Variants in TMPRSS7 observed in about 807,000 individuals in gnomAD.
The protein encoded by TMPRSS7 is transmembrane protease serine 7.
A neutral mutation model predicts 95.6 loss-of-function variants in TMPRSS7; 81 were observed. The ratio of observed to expected loss-of-function variants is 0.85; its 90% confidence interval spans 0.71 to 1.02. The LOEUF (loss-of-function observed/expected upper bound fraction) is 1.02. Ranked by LOEUF, TMPRSS7 falls within the 50% of genes least tolerant of loss-of-function variation. The pLI, the probability that TMPRSS7 is intolerant of heterozygous loss-of-function variation, is 0.00. For missense variants in TMPRSS7, 945 were observed against 955.2 expected (o/e 0.99, Z 0.14); for synonymous variants, 364 against 337.8 (o/e 1.08, Z -0.85).
chr3:112,045,693 A>T, intron 4 of TMPRSS7, 57 bp from the exon 5 acceptor site: 1 of 1,455,462 alleles, frequency 6.9e-7, no homozygotes, highest in South Asian at 1.4e-5. Context: ...TCATCTGGGT[A>T]TTTCTTCTCT....
At chr3:112,045,126 G>A (rs1406724388) in intron 4 of TMPRSS7, among the ~76,000 whole-genome samples, 1 of 152,100 alleles carries the variant, frequency 6.6e-6, no homozygotes, top group Non-Finnish European at 1.5e-5. Context: ...ACATGGCAGA[G>A]TATCAAACAT....
At chr3:112,046,027 A>T in intron 5 of TMPRSS7, 84 bp downstream of exon 5, 28 of 1,181,194 alleles carry the variant, frequency 2.4e-5, no homozygotes, top group Middle Eastern at 2.8e-4. Flanking sequence ...ATTGTAATGA[A>T]GCATTACAAT....
chr3:112,053,361 G>A (rs2073387918), intron 9 of TMPRSS7, among the ~76,000 whole-genome samples: 1 of 152,100 alleles, frequency 6.6e-6, no homozygotes, highest in Non-Finnish European at 1.5e-5. Context: ...GAGCTTTAAG[G>A]TCTTATTTAT....
At chr3:112,037,409 T>A (rs550278016) in intron 1 of TMPRSS7, among the ~76,000 whole-genome samples, 1 of 152,320 alleles carries the variant, frequency 6.6e-6, no homozygotes, top group Admixed American at 6.5e-5. Flanking sequence ...AAATTCCAGG[T>A]TGGCGAATTC....
intron 4 of TMPRSS7, among the ~76,000 whole-genome samples, chr3:112,044,695 G>A (rs1285817665): frequency 6.6e-6 from 1 of 151,970 alleles, no homozygotes; most frequent in East Asian, 1.9e-4. Context: ...AGAAAAAAGG[G>A]GATTCATGGT....
Position 112,051,672 on chromosome 3 carries a change from T to TATCTATC in TMPRSS7, c.1203+890_1203+896dup, listed in dbSNP as rs1559955963. 8.1e-3 allele frequency among the ~76,000 whole-genome samples: 621 copies of TATCTATC among 76,814 alleles called. 1 individual carries two copies. Among genetic ancestry groups the TATCTATC allele is most frequent in the Middle Eastern group, 0.037 (6 of 160 alleles). The allele number at this position is 76,814 out of a possible 152,430, so 50.4% of individuals were successfully genotyped here. On this transcript the variant is annotated intron_variant, in intron 9 of 17. Coordinates refer to ENST00000452346, the Ensembl canonical transcript of TMPRSS7. Reference sequence around the variant, plus strand: ...TCTATCTATCTATCTATCTATCATCTATCTATCTATCTATCTATCTATCTC... The same window carrying TATCTATC: ...TCTATCTATCTATCTATCTATCATCTATCTATCATCTATCTATCTATCTATCTATCTC...
chr3:112,048,718 T>C (rs2073310460), intron 7 of TMPRSS7, among the ~76,000 whole-genome samples: 1 of 152,230 alleles, frequency 6.6e-6, no homozygotes, highest in African/African-American at 2.4e-5. Flanking sequence ...TGAATGTGCA[T>C]GTTAAAAATT....
chr3:112,073,805 C>A (rs2073680690), intron 13 of TMPRSS7, among the ~76,000 whole-genome samples: 1 of 152,132 alleles, frequency 6.6e-6, no homozygotes, highest in Admixed American at 6.6e-5. Flanking sequence ...GAGGAACTTG[C>A]CAAATACTGG....
At chr3:112,057,938 C>G (rs900278847) in intron 10 of TMPRSS7, among the ~76,000 whole-genome samples, 3 of 152,100 alleles carry the variant, frequency 2.0e-5, no homozygotes, top group Admixed American at 6.5e-5. Context: ...GTTGGCCGGG[C>G]TGGTGTCAAA....
At chr3:112,040,078 G>A (rs1256435642) in intron 2 of TMPRSS7, among the ~76,000 whole-genome samples, 1 of 152,056 alleles carries the variant, frequency 6.6e-6, no homozygotes, top group African/African-American at 2.4e-5. Context: ...AGTGTTATGG[G>A]TAGAGAAACA....
chr3:112,049,693 A>T (rs2073321827), intron 7 of TMPRSS7, 151 bp from the exon 8 acceptor site: 3 of 551,334 alleles, frequency 5.4e-6, no homozygotes, highest in Non-Finnish European at 8.8e-6. Context: ...GTGGCTACTA[A>T]TGGATGAGGA....
In TMPRSS7 at chr3:112,070,999, T is replaced by A. The variant is rs139813399; in HGVS notation, c.1667-3297T>A. 2.3e-4 allele frequency among the ~76,000 whole-genome samples: 35 copies of A among 152,358 alleles called. No individual in the cohort carries two copies. In the East Asian group the frequency reaches 6.2e-3, roughly 27 times the overall value. On this transcript the variant is annotated intron_variant, in intron 13 of 17. Coordinates refer to ENST00000452346, the Ensembl canonical transcript of TMPRSS7. ...TTTATCCTGTCATTATGATGTTAGC[T>A]GGTCATTTTGCCCGTTAGTTGATGC...
intron 12 of TMPRSS7, among the ~76,000 whole-genome samples, chr3:112,065,002 A>C (rs2073555999): frequency 6.6e-6 from 1 of 152,186 alleles, no homozygotes. Flanking sequence ...TCTAACAGTG[A>C]AAATTATATT....
intron 7 of TMPRSS7, among the ~76,000 whole-genome samples, chr3:112,048,890 G>T (rs1469171969): frequency 6.6e-6 from 1 of 152,166 alleles, no homozygotes; most frequent in Admixed American, 6.5e-5. Flanking sequence ...ACTGAGGCAG[G>T]AGAATAGGAT....
chr3:112,040,604 A>C (rs9840207), intron 2 of TMPRSS7, among the ~76,000 whole-genome samples: 43,907 of 152,040 alleles, frequency 0.29, 7,344 homozygotes, highest in Middle Eastern at 0.38. Flanking sequence ...CAGAACAAAG[A>C]AGCTTATTTG....
At chr3:112,069,560 A>G (rs56188318) in intron 13 of TMPRSS7, among the ~76,000 whole-genome samples, 4,558 of 152,072 alleles carry the variant, frequency 0.03, 191 homozygotes, top group African/African-American at 0.088. Context: ...TTGGGAGGGT[A>G]TATGTGTCCA....
At chr3:112,062,754 C>G (rs1284671214) in intron 11 of TMPRSS7, among the ~76,000 whole-genome samples, 4 of 152,212 alleles carry the variant, frequency 2.6e-5, no homozygotes, top group African/African-American at 9.7e-5. Context: ...AGCTTCTCAT[C>G]CATTCCATCA....
chr3:112,050,287 T>A (rs1473860671), intron 8 of TMPRSS7, among the ~76,000 whole-genome samples: 1 of 151,112 alleles, frequency 6.6e-6, no homozygotes, highest in Non-Finnish European at 1.5e-5. Context: ...AGGAAAGAGG[T>A]TGAGATTATT....
At chr3:112,055,334 G>T (rs1313567822) in intron 9 of TMPRSS7, among the ~76,000 whole-genome samples, 3 of 152,032 alleles carry the variant, frequency 2.0e-5, no homozygotes, top group Non-Finnish European at 4.4e-5. Flanking sequence ...GCACAACAGG[G>T]TTGTTGTGAT....
Sources: gnomAD v4.1 joint callset for allele counts (sites outside exome capture counted in the v4.1 genomes callset) on GRCh38, gnomAD v4.1.1 for gene constraint, MANE v1.5 for transcripts, NCBI Gene and HGNC (gene_info 2026-07-23, HGNC 2026-07-21) for gene names.